The following TCERG1L variants were observed in gnomAD, a reference collection of about 807,000 sequenced individuals.
TCERG1L encodes transcription elongation regulator 1-like protein.
TCERG1L carries 37 observed loss-of-function variants against 56.3 expected under a neutral mutation model. That is an observed-to-expected ratio of 0.66 (90% CI 0.51 to 0.87). TCERG1L has a LOEUF of 0.87. Among genes scored for constraint, TCERG1L ranks in the 40% least tolerant of loss-of-function variants. The probability of loss-of-function intolerance (pLI) is 0.00; values close to 1 mark genes in which losing one functional copy is unlikely to be tolerated. For missense variants in TCERG1L, 799 were observed against 774.2 expected (o/e 1.03, Z -0.38); for synonymous variants, 324 against 326.3 (o/e 0.99, Z 0.08).
chr10:131,177,880 G>A (rs993333626), intron 4 of TCERG1L, among the ~76,000 whole-genome samples: 6 of 150,698 alleles, frequency 4.0e-5, no homozygotes, highest in Non-Finnish European at 1.5e-5. Context: ...TCTCGATCTC[G>A]CATGACGCTC....
chr10:131,257,005 G>GA (rs55745069), intron 4 of TCERG1L, among the ~76,000 whole-genome samples: 10 of 114,358 alleles, frequency 8.7e-5, no homozygotes, highest in African/African-American at 3.2e-4. Context: ...AAGAAAGAAA[G>GA]AAAGAAAGAA....
At chr10:131,309,009 C>A in intron 2 of TCERG1L, 144 bp downstream of exon 2, 1 of 950,510 alleles carries the variant, frequency 1.1e-6, no homozygotes, top group Non-Finnish European at 1.5e-6. Flanking sequence ...ACAAATCAAT[C>A]TAATCCTGAA....
chr10:131,255,439 T>C (rs1447569589), intron 4 of TCERG1L, among the ~76,000 whole-genome samples: 2 of 152,210 alleles, frequency 1.3e-5, no homozygotes, highest in African/African-American at 4.8e-5. Flanking sequence ...TTTTTAAAAA[T>C]AGCAAAGGAA....
chr10:131,234,829 G>A (rs560043064), intron 4 of TCERG1L, among the ~76,000 whole-genome samples: 19 of 152,268 alleles, frequency 1.2e-4, no homozygotes, highest in African/African-American at 2.2e-4. Flanking sequence ...CCAGCCTCCC[G>A]AGTTGCTGGG....
chr10:131,140,792 G>A (rs551456960), intron 7 of TCERG1L, among the ~76,000 whole-genome samples: 1 of 152,302 alleles, frequency 6.6e-6, no homozygotes, highest in Admixed American at 6.5e-5. Flanking sequence ...TGGTGGAGAG[G>A]GCAAGGCACA....
chr10:131,126,268 C>CA (rs1188900194), intron 8 of TCERG1L, among the ~76,000 whole-genome samples: 1 of 152,208 alleles, frequency 6.6e-6, no homozygotes, highest in African/African-American at 2.4e-5. Flanking sequence ...GTAGCTGTGG[C>CA]ACATGGGCCA....
intron 4 of TCERG1L, among the ~76,000 whole-genome samples, chr10:131,258,933 C>T (rs1846204419): frequency 6.6e-6 from 1 of 152,184 alleles, no homozygotes; most frequent in Non-Finnish European, 1.5e-5. Flanking sequence ...TGTCAATGTA[C>T]TAGTAGGTTT....
chr10:131,116,716 G>A (rs539896518), intron 9 of TCERG1L, 83 bp downstream of exon 9: 220 of 1,517,870 alleles, frequency 1.4e-4, no homozygotes, highest in East Asian at 1.2e-3. Flanking sequence ...GTGAGGAGGC[G>A]ACCCTCAGGC....
Position 131,260,703 on chromosome 10 carries a change from C to T in TCERG1L, c.671-259G>A, listed in dbSNP as rs1401241263. 6.6e-6 allele frequency among the ~76,000 whole-genome samples: 1 copy of T among 152,116 alleles called. No homozygotes were observed. The highest frequency in any genetic ancestry group is 1.5e-5 in the Non-Finnish European group (1 of 68,024). ...CCCAGTGAGCTGCAAGGCTTACAGT[C>T]ACCAGGGGACGAGCCAGGACCCGGG... On this transcript the variant is annotated intron_variant, in intron 3 of 11. Coordinates refer to ENST00000368642, the MANE Select transcript of TCERG1L (RefSeq NM_174937.4). This position sits in a 1 kb window ranked among gnomAD's most constrained non-coding sequence, Gnocchi z 5.8.
intron 7 of TCERG1L, among the ~76,000 whole-genome samples, chr10:131,143,453 G>A (rs569328653): frequency 4.7e-4 from 71 of 152,190 alleles, no homozygotes; most frequent in African/African-American, 1.7e-3. Flanking sequence ...GGAAGAACTC[G>A]AGGGCCCCAG....
chr10:131,155,312 A>G (rs968616314), intron 6 of TCERG1L, among the ~76,000 whole-genome samples: 13 of 152,206 alleles, frequency 8.5e-5, no homozygotes, highest in African/African-American at 3.1e-4. Flanking sequence ...GGATGTTGTC[A>G]TTGTTAAATA....
intron 2 of TCERG1L, 21 bp from the exon 3 acceptor site, chr10:131,308,412 C>T: frequency 1.2e-6 from 2 of 1,606,900 alleles, no homozygotes; most frequent in Non-Finnish European, 1.7e-6. Flanking sequence ...ATAATGCAAG[C>T]ATAACACTGA....
chr10:131,192,553 A>C lies in TCERG1L; in HGVS notation c.857-25668T>G, dbSNP rs753118867. Among the ~76,000 whole-genome samples the C allele has an allele frequency of 6.9e-5, 10 of 144,082 alleles. 2 individuals carry two copies. The highest frequency in any genetic ancestry group is 1.5e-4 in the Non-Finnish European group (10 of 65,314). 94.5% of individuals were successfully genotyped at this position (144,082 alleles called of 152,430 possible). A position where few individuals can be genotyped will look rare whatever the true frequency, so the allele number is the denominator to read the frequency against. ...AAAGGAAAATAAGTCATTATATGAA[A>C]ATGACACCTGCACACATGTTTATAA... On this transcript the variant is annotated intron_variant, in intron 4 of 11. Coordinates refer to ENST00000368642, the MANE Select transcript of TCERG1L (RefSeq NM_174937.4).
chr10:131,247,257 C>T lies in TCERG1L; in HGVS notation c.856+13002G>A, dbSNP rs1349930908. Reference sequence around the variant, plus strand: ...CCTGTGCTGGGCAGACACAAAGTGGCTTGCATGTGTATATTAGTTTCCATT... The same window carrying T: ...CCTGTGCTGGGCAGACACAAAGTGGTTTGCATGTGTATATTAGTTTCCATT... On this transcript the variant is annotated intron_variant, in intron 4 of 11. Transcript: ENST00000368642. 3.3e-5 allele frequency among the ~76,000 whole-genome samples: 5 copies of T among 152,342 alleles called. No homozygotes were observed. The East Asian group carries it at 9.6e-4, about 29-fold the overall frequency.
intron 4 of TCERG1L, among the ~76,000 whole-genome samples, chr10:131,232,610 CT>C (rs1845864651): frequency 6.6e-6 from 1 of 152,208 alleles, no homozygotes; most frequent in South Asian, 2.1e-4. Context: ...TTTGTTCTTT[CT>C]CTTTAAAATT....
Position 131,093,143 on chromosome 10 carries a change from A to C in TCERG1L, c.*19T>G, listed in dbSNP as rs781265258. On this transcript the variant is annotated 3_prime_UTR_variant, in exon 12 of 12. Transcript: ENST00000368642. ...ACGCCCAGGGTCAACCCCCGGGCTT[A>C]TTGCATTTTTTCACAAACTCATCTC... is the stretch of plus-strand genomic sequence containing the variant. 8.3e-5 allele frequency: 134 copies of C among 1,610,836 alleles called. No homozygotes were observed. The highest frequency in any genetic ancestry group is 1.1e-4 in the Non-Finnish European group (130 of 1,178,492).
At chr10:131,226,621 C>G (rs138983034) in intron 4 of TCERG1L, among the ~76,000 whole-genome samples, 1 of 152,158 alleles carries the variant, frequency 6.6e-6, no homozygotes, top group Admixed American at 6.5e-5. Flanking sequence ...AGGGAGAGAC[C>G]GTCGGTGGAG....
Position 131,191,506 on chromosome 10 carries a change from C to G in TCERG1L, c.857-24621G>C, listed in dbSNP as rs117653205. On this transcript the variant is annotated intron_variant, in intron 4 of 11. Coordinates refer to ENST00000368642, the MANE Select transcript of TCERG1L (RefSeq NM_174937.4). ...ATACTATAATACAAGACTATAGTCA[C>G]CAAAACAGCATGGTACTAGTAAAAG... Among the ~76,000 whole-genome samples the G allele has an allele frequency of 1.4e-5, 2 of 143,306 alleles. 1 individual carries two copies. The highest frequency in any genetic ancestry group is 1.4e-4 in the Admixed American group (2 of 14,314). 94.0% of individuals were successfully genotyped at this position (143,306 alleles called of 152,430 possible). A position where few individuals can be genotyped will look rare whatever the true frequency, so the allele number is the denominator to read the frequency against.
At chr10:131,302,608 C>T (rs939482472) in intron 3 of TCERG1L, among the ~76,000 whole-genome samples, 4 of 142,906 alleles carry the variant, frequency 2.8e-5, no homozygotes, top group Admixed American at 6.9e-5. Context: ...CCTCCCAATT[C>T]TTTTTTTTTT....
Sources: allele counts gnomAD v4.1 joint callset (sites outside exome capture counted in the v4.1 genomes callset), GRCh38; gene constraint gnomAD v4.1.1; non-coding constraint Gnocchi (gnomAD v3.1); transcripts MANE v1.5; gene names NCBI Gene and HGNC (gene_info 2026-07-23, HGNC 2026-07-21).